SCN11A: variants seen among roughly 807,000 people sequenced by gnomAD.
SCN11A encodes sodium voltage-gated channel alpha subunit 11, also known as sodium channel protein type 11 subunit alpha.
In SCN11A, 122 loss-of-function variants were observed where a neutral mutation model predicts 162.2. The observed-to-expected ratio is 0.75, with a 90% CI of 0.65 to 0.87. The LOEUF is 0.87. SCN11A is among the 40% of genes least tolerant of loss of function. The pLI, the probability that SCN11A is intolerant of heterozygous loss-of-function variation, is 0.00. For missense variants in SCN11A, 2,015 were observed against 2,181.6 expected, an observed-to-expected ratio of 0.92 and a Z score of 1.52; for synonymous variants, 758 against 751.5, an observed-to-expected ratio of 1.01 and a Z score of -0.14.
rs745590214 is a variant in SCN11A at position 38,921,241 on chromosome 3, C to T, written c.727G>A (p.Val243Met). 11 of 1,613,770 alleles carry T rather than the reference C, an allele frequency of 6.8e-6. No individual in the cohort carries two copies. The highest frequency in any genetic ancestry group is 1.1e-5 in the South Asian group (1 of 91,064). The change falls in exon 10 of 30, where the codon GTG becomes ATG. Residue 243 changes from valine to methionine, a missense_variant. Transcript: ENST00000302328. ...TTCACAGAGCGTAGCAAGGCCCCCA[C>T]GATGACCTTCAGACCTGAGAAAGAG... ...ISVVSRLKVI[V>M]GALLRSVKKL...
intron 19 of SCN11A, among the ~76,000 whole-genome samples, chr3:38,891,745 CACTTCCACAGTAACTAAACT>C (rs1370444722): frequency 7.2e-5 from 11 of 152,150 alleles, no homozygotes; most frequent in Non-Finnish European, 1.6e-4. Flanking sequence ...ATTAGGAACC[CACTTCCACAGTAACTAAACT>C]ACTCCCACAA....
intron 27 of SCN11A, among the ~76,000 whole-genome samples, chr3:38,865,611 T>TAA (rs11373745): frequency 6.6e-6 from 1 of 151,464 alleles, no homozygotes; most frequent in Non-Finnish European, 1.5e-5. Flanking sequence ...TAAGTACAAT[T>TAA]AAAAAAAAGC....
Position 38,880,013 on chromosome 3 carries a change from T to A in SCN11A, c.3330A>T (p.Val1110=). ...TGAAATACTTTCCAAATCCGAAGGC[T>A]ACCCATTTTAGTACCATCTCCAGGA... ...IFILEMVLKW[V]AFGFGKYFTS... Residue 1110 remains valine, a synonymous_variant, in exon 23 of 30, where the codon GTA becomes GTT. Coordinates refer to ENST00000302328, the MANE Select transcript of SCN11A (RefSeq NM_001349253.2). 6.2e-7 allele frequency: 1 copy of A among 1,612,786 alleles called. No individual in the cohort carries two copies. Among genetic ancestry groups the A allele is most frequent in the Non-Finnish European group, 8.5e-7 (1 of 1,179,100 alleles).
At chr3:38,962,525 T>A (rs972457234) in intron 2 of SCN11A, among the ~76,000 whole-genome samples, 1 of 152,192 alleles carries the variant, frequency 6.6e-6, no homozygotes, top group Non-Finnish European at 1.5e-5. Flanking sequence ...CATTTGTTTG[T>A]GTCATCTATG....
intron 7 of SCN11A, among the ~76,000 whole-genome samples, chr3:38,929,179 G>C (rs2066199941): frequency 7.8e-6 from 1 of 128,846 alleles, no homozygotes; most frequent in African/African-American, 3.2e-5. Flanking sequence ...ACACATGTTT[G>C]GGACTGAAAC....
intron 28 of SCN11A, among the ~76,000 whole-genome samples, chr3:38,860,640 CAT>C (rs1328078454): frequency 3.3e-5 from 5 of 152,136 alleles, no homozygotes; most frequent in Admixed American, 2.6e-4. Context: ...AAACAAAAAT[CAT>C]ATGATCATCT....
intron 2 of SCN11A, among the ~76,000 whole-genome samples, chr3:38,964,572 C>T (rs999417804): frequency 7.2e-5 from 11 of 152,076 alleles, no homozygotes; most frequent in Admixed American, 3.3e-4. Flanking sequence ...GTATGGCTTC[C>T]GAGAAGAGGT....
At chr3:39,004,607 T>C (rs2125599935) in intron 2 of SCN11A, among the ~76,000 whole-genome samples, 1 of 152,352 alleles carries the variant, frequency 6.6e-6, no homozygotes, top group Non-Finnish European at 1.5e-5. Context: ...GTAAATTGCT[T>C]TGGGCAGTAT....
chr3:39,049,054 T>G (rs2032256199), intron 1 of SCN11A, among the ~76,000 whole-genome samples: 1 of 152,188 alleles, frequency 6.6e-6, no homozygotes, highest in Admixed American at 6.5e-5. Flanking sequence ...AATTACAGAT[T>G]TGTAAGTAAA....
chr3:38,924,657 G>A (rs1316305067), intron 9 of SCN11A, among the ~76,000 whole-genome samples: 1 of 152,092 alleles, frequency 6.6e-6, no homozygotes, highest in Non-Finnish European at 1.5e-5. Context: ...ACAGGAGTGA[G>A]CCACTGCACC....
chr3:38,883,284 G>A lies in SCN11A; in HGVS notation c.3168C>T (p.Ser1056=), dbSNP rs1484796137. 1.2e-6 allele frequency: 2 copies of A among 1,613,842 alleles called. No individual in the cohort carries two copies. The highest frequency in any genetic ancestry group is 1.7e-6 in the Non-Finnish European group (2 of 1,179,892). ...CAAAGATAATAAAGCTCTCAAACCA[G>A]CTGTGTTTCACTATTTGGTAGCAGG... ...RKTCYQIVKH[S]WFESFIIFVI... The change falls in exon 22 of 30, where the codon AGC becomes AGT. Residue 1056 remains serine (S), a synonymous_variant. Transcript: ENST00000302328.
rs1301652467 is a variant in SCN11A at position 38,846,701 on chromosome 3, C to T, written c.5369G>A (p.Cys1790Tyr). The change falls in exon 30 of 30, where the codon TGT (cysteine) becomes TAT (tyrosine). Residue 1790 changes from cysteine (C) to tyrosine (Y), a missense_variant. Physicochemically the swap from Cys to Tyr is radical, Grantham distance 194. Transcript: ENST00000302328. ...AGGCGTGGAGGTGAGGGCTCAGTCACAGTGGACCTTGCCCTTGGCCACCCC... is the reference window on the plus strand; with the variant it reads ...AGGCGTGGAGGTGAGGGCTCAGTCATAGTGGACCTTGCCCTTGGCCACCCC... The part of the protein sequence containing the change: ...SFGVAKGKVH[C>Y]D The T allele has an allele frequency of 6.2e-7, 1 of 1,613,720 alleles. No homozygotes were observed. Among genetic ancestry groups the T allele is most frequent in the Non-Finnish European group, 8.5e-7 (1 of 1,179,728 alleles).
At chr3:38,941,917 G>A (rs2066448574) in intron 7 of SCN11A, among the ~76,000 whole-genome samples, 1 of 152,056 alleles carries the variant, frequency 6.6e-6, no homozygotes, top group Admixed American at 6.6e-5. Context: ...TGGATTGATA[G>A]ACTGCATAAA....
chr3:38,915,910 C>T (rs1180753759), intron 11 of SCN11A, among the ~76,000 whole-genome samples: 1 of 152,160 alleles, frequency 6.6e-6, no homozygotes, highest in South Asian at 2.1e-4. Context: ...GTGTTGAAGT[C>T]TCCCACTATT....
chr3:38,949,225 G>A (rs1234403340), intron 5 of SCN11A, among the ~76,000 whole-genome samples: 3 of 152,160 alleles, frequency 2.0e-5, no homozygotes, highest in Non-Finnish European at 4.4e-5. Context: ...ATCACACTGC[G>A]AGGTGATGAT....
At chr3:38,866,986 A>G (rs983006909) in intron 27 of SCN11A, among the ~76,000 whole-genome samples, 1 of 152,144 alleles carries the variant, frequency 6.6e-6, no homozygotes, top group Non-Finnish European at 1.5e-5. Flanking sequence ...TTAAAATATG[A>G]CCCTAGTGTC....
intron 2 of SCN11A, among the ~76,000 whole-genome samples, chr3:39,022,893 T>TAAATA (rs1299994268): frequency 1.3e-5 from 2 of 151,528 alleles, no homozygotes; most frequent in Non-Finnish European, 2.9e-5. Context: ...AAAAAATAAA[T>TAAATA]AAATAAAATA....
intron 28 of SCN11A, among the ~76,000 whole-genome samples, chr3:38,857,572 T>C (rs2064890455): frequency 6.6e-6 from 1 of 152,062 alleles, no homozygotes; most frequent in South Asian, 2.1e-4. Context: ...ATAAAACTTA[T>C]CTGAAGAAAT....
chr3:38,889,003 A>T (rs76381858), intron 19 of SCN11A, among the ~76,000 whole-genome samples: 5,503 of 152,124 alleles, frequency 0.036, 199 homozygotes, highest in East Asian at 0.16. Flanking sequence ...CTGAAATTAA[A>T]TTTTTTTTAA....
Sources: gnomAD v4.1 joint callset for allele counts (sites outside exome capture counted in the v4.1 genomes callset) on GRCh38, gnomAD v4.1.1 for gene constraint, MANE v1.5 for transcripts, NCBI Gene and HGNC (gene_info 2026-07-23, HGNC 2026-07-21) for gene names.